Variants in WDR19 observed in about 807,000 individuals in gnomAD.
WDR19 encodes the protein WD repeat-containing protein 19.
In WDR19, 121 loss-of-function variants were observed where a neutral mutation model predicts 180.0. That is an observed-to-expected ratio of 0.67 (90% CI 0.58 to 0.78). The LOEUF is 0.78. Among genes scored for constraint, WDR19 ranks in the 30% least tolerant of loss-of-function variants. The pLI is 0.00. For missense variants in WDR19, 1,450 were observed against 1,640.7 expected (o/e 0.88, Z 2.01); for synonymous variants, 497 against 540.7 (o/e 0.92, Z 1.12).
rs76326086 is a variant in WDR19, at chr4:39,245,425, A to G, written c.2702A>G (p.Tyr901Cys). ...HVSSPKIHLQYAKAKEADGRY... is the reference protein window; with the variant it reads ...HVSSPKIHLQCAKAKEADGRY... ...TCTTCTCCTAAGATCCATTTGCAGT[A>G]TGCCAAAGCCAAGGAAGCAGATGGA... The change falls in exon 24 of 37, where the codon TAT becomes TGT. Residue 901 changes from tyrosine to cysteine, a missense_variant. By Grantham distance (194) the Tyr-to-Cys change is radical. Transcript: ENST00000399820. 321 of 1,613,854 alleles carry G rather than the reference A, an allele frequency of 2.0e-4. No homozygotes were observed. In the African/African-American group the frequency reaches 3.9e-3, roughly 20 times the overall value.
intron 24 of WDR19, among the ~76,000 whole-genome samples, chr4:39,247,889 G>A (rs929745769): frequency 1.3e-5 from 2 of 152,216 alleles, no homozygotes; most frequent in Non-Finnish European, 2.9e-5. Flanking sequence ...TGGTATACCT[G>A]AAAGTGACGG....
chr4:39,218,194 T>C, intron 14 of WDR19, 89 bp downstream of exon 14: 1 of 1,447,144 alleles, frequency 6.9e-7, no homozygotes, highest in African/African-American at 1.4e-5. Flanking sequence ...ACCAGTCTTT[T>C]TTCTATATTG....
intron 26 of WDR19, 65 bp from the exon 27 acceptor site, chr4:39,255,783 C>T: frequency 1.3e-6 from 1 of 769,598 alleles, no homozygotes; most frequent in South Asian, 2.9e-5. Context: ...ATTTTATTTT[C>T]AGGTTAGCAA....
At chr4:39,195,474 C>G (rs1726661618) in intron 5 of WDR19, among the ~76,000 whole-genome samples, 1 of 151,606 alleles carries the variant, frequency 6.6e-6, no homozygotes, top group Non-Finnish European at 1.5e-5. Context: ...CTAGTTAAAT[C>G]TAGATGTGGA....
At chr4:39,183,466 C>T (rs1451315630) in intron 1 of WDR19, among the ~76,000 whole-genome samples, 1 of 151,912 alleles carries the variant, frequency 6.6e-6, no homozygotes, top group African/African-American at 2.4e-5. Flanking sequence ...AGCCAGGATG[C>T]TGTCACTCTC....
intron 29 of WDR19, 23 bp downstream of exon 29, chr4:39,266,163 G>A (rs768553847): frequency 2.1e-5 from 32 of 1,525,806 alleles, no homozygotes; most frequent in Admixed American, 6.1e-5. Flanking sequence ...TGGGCTTCGT[G>A]TGCATCCTCA....
intron 19 of WDR19, among the ~76,000 whole-genome samples, chr4:39,232,950 T>C (rs1238810811): frequency 6.6e-6 from 1 of 152,158 alleles, no homozygotes; most frequent in East Asian, 1.9e-4. Context: ...GAAATCTAAA[T>C]GTGTCCAAAG....
chr4:39,191,986 A>G (rs183319081), intron 4 of WDR19, among the ~76,000 whole-genome samples: 42 of 152,324 alleles, frequency 2.8e-4, no homozygotes, highest in Non-Finnish European at 5.4e-4. Flanking sequence ...TGTAATTTGC[A>G]AGGGTTTCTA....
chr4:39,230,613 A>G (rs1560516640), intron 17 of WDR19, among the ~76,000 whole-genome samples: 1 of 152,208 alleles, frequency 6.6e-6, no homozygotes, highest in Non-Finnish European at 1.5e-5. Context: ...TATTGTAAGT[A>G]CTCAGTTACC....
intron 29 of WDR19, among the ~76,000 whole-genome samples, chr4:39,267,336 C>A (rs1319982028): frequency 6.6e-6 from 1 of 152,160 alleles, no homozygotes; most frequent in Admixed American, 6.5e-5. Flanking sequence ...TCCCTGAGTC[C>A]ATTTTCTGCA....
intron 32 of WDR19, 83 bp downstream of exon 32, chr4:39,273,144 C>A: frequency 1.9e-6 from 2 of 1,027,816 alleles, no homozygotes; most frequent in Non-Finnish European, 1.4e-6. Flanking sequence ...GCAGGCTCCC[C>A]TCATACACTA....
chr4:39,262,146 C>T (rs1734352906), intron 28 of WDR19, among the ~76,000 whole-genome samples: 1 of 152,200 alleles, frequency 6.6e-6, no homozygotes, highest in South Asian at 2.1e-4. Flanking sequence ...CCTACAGACA[C>T]CCAGATAGAA....
At chr4:39,200,345 T>C (rs1727244875) in intron 6 of WDR19, among the ~76,000 whole-genome samples, 1 of 152,208 alleles carries the variant, frequency 6.6e-6, no homozygotes, top group Non-Finnish European at 1.5e-5. Flanking sequence ...TTTCATGGTT[T>C]TGTGGATGAG....
rs571754382 is a variant in WDR19 at position 39,226,851 on chromosome 4, A to G, written c.1630-1359A>G. The stretch of plus-strand genomic sequence containing the variant: ...ACGAACAGATGAAATTAATTTTAAT[A>G]TATTTAATTTAACCCTTGAGGAATC... On this transcript the variant is annotated intron_variant, in intron 15 of 36. Coordinates refer to ENST00000399820, the MANE Select transcript of WDR19 (RefSeq NM_025132.4). Among the ~76,000 whole-genome samples, 365 of 152,326 alleles carry G rather than the reference A, an allele frequency of 2.4e-3. 1 individual carries two copies. The highest frequency in any genetic ancestry group is 3.3e-3 in the Non-Finnish European group (227 of 68,026).
chr4:39,205,080 G>C, intron 7 of WDR19, 74 bp from the exon 8 acceptor site: 1 of 1,061,652 alleles, frequency 9.4e-7, no homozygotes, highest in Non-Finnish European at 1.4e-6. Flanking sequence ...AGGTTCAGCT[G>C]TTGGATTTGC....
chr4:39,220,559 G>GTT (rs1491452795), intron 14 of WDR19, among the ~76,000 whole-genome samples: 823 of 39,272 alleles, frequency 0.021, no homozygotes, highest in Non-Finnish European at 0.024. Flanking sequence ...AGACCTCCTT[G>GTT]ATTTTTTTTT....
chr4:39,203,368 C>T (rs1727578618), intron 6 of WDR19, among the ~76,000 whole-genome samples: 1 of 152,204 alleles, frequency 6.6e-6, no homozygotes, highest in African/African-American at 2.4e-5. Flanking sequence ...CTCTGGATAG[C>T]TGCAGCATCA....
chr4:39,195,711 A>G (rs1726681190), intron 5 of WDR19, among the ~76,000 whole-genome samples: 1 of 152,226 alleles, frequency 6.6e-6, no homozygotes, highest in African/African-American at 2.4e-5. Flanking sequence ...CAGGAAAAGT[A>G]TAACTTACTG....
chr4:39,211,284 A>T (rs770339654), intron 9 of WDR19, among the ~76,000 whole-genome samples: 31 of 152,252 alleles, frequency 2.0e-4, no homozygotes, highest in Non-Finnish European at 2.9e-4. Flanking sequence ...GGAACAAGAC[A>T]AGAATATCTG....
Sources: allele counts gnomAD v4.1 joint callset (sites outside exome capture counted in the v4.1 genomes callset), GRCh38; gene constraint gnomAD v4.1.1; transcripts MANE v1.5; gene names NCBI Gene and HGNC (gene_info 2026-07-23, HGNC 2026-07-21).